Variants in CR1 observed in about 807,000 individuals in gnomAD.
CR1 encodes complement C3b/C4b receptor 1 (Knops blood group), also known as complement receptor type 1.
In CR1, 116 loss-of-function variants were observed where a neutral mutation model predicts 187.3. The observed-to-expected ratio is 0.62, with a 90% CI of 0.53 to 0.72. The LOEUF (loss-of-function observed/expected upper bound fraction) is 0.72, where lower values mean the gene tolerates loss of function less well. Ranked by LOEUF, CR1 falls within the 30% of genes least tolerant of loss-of-function variation. The pLI is 0.00. For synonymous variants in CR1, 576 were observed against 747.1 expected, an observed-to-expected ratio of 0.77 and a Z score of 3.73; for missense variants, 1,731 against 2,110.7, an observed-to-expected ratio of 0.82 and a Z score of 3.52.
intron 35 of CR1, among the ~76,000 whole-genome samples, chr1:207,604,544 A>G (rs1661692190): frequency 6.6e-6 from 1 of 152,234 alleles, no homozygotes; most frequent in Non-Finnish European, 1.5e-5. Context: ...TATTTGCCCT[A>G]TCAATGAATA....
At chr1:207,638,933 G>A (rs762164733) in intron 46 of CR1, among the ~76,000 whole-genome samples, 4 of 152,200 alleles carry the variant, frequency 2.6e-5, no homozygotes, top group African/African-American at 4.8e-5. Context: ...CGCTTGTGGC[G>A]GGGGACAATT....
At chr1:207,632,717 G>C (rs1571621732) in intron 46 of CR1, among the ~76,000 whole-genome samples, 1 of 149,332 alleles carries the variant, frequency 6.7e-6, no homozygotes, top group Non-Finnish European at 1.5e-5. Flanking sequence ...AGAATGGCGT[G>C]AGCCCGGGAG....
intron 1 of CR1, among the ~76,000 whole-genome samples, chr1:207,497,161 A>G (rs1659114344): frequency 2.0e-5 from 3 of 152,258 alleles, no homozygotes; most frequent in Non-Finnish European, 4.4e-5. Flanking sequence ...AGAACATGCA[A>G]TGTAACCGTT....
intron 40 of CR1, 79 bp from the exon 41 acceptor site, chr1:207,616,496 G>C: frequency 6.9e-7 from 1 of 1,452,740 alleles, no homozygotes. Context: ...CTTTTTAAGC[G>C]CACAGTCACA....
intron 37 of CR1, 107 bp downstream of exon 37, chr1:207,609,795 C>T (rs1485984203): frequency 6.0e-6 from 7 of 1,167,798 alleles, no homozygotes; most frequent in Non-Finnish European, 7.9e-6. Context: ...TTGGCATAAA[C>T]ATAATAGTAG....
At chr1:207,525,109 T>A (rs1309964037) in intron 5 of CR1, among the ~76,000 whole-genome samples, 5 of 151,838 alleles carry the variant, frequency 3.3e-5, no homozygotes, top group Non-Finnish European at 7.4e-5. Context: ...AACAAGCAGA[T>A]CTCGAGAGAA....
At chr1:207,613,843 C>T (rs968565435) in intron 39 of CR1, among the ~76,000 whole-genome samples, 1 of 151,992 alleles carries the variant, frequency 6.6e-6, no homozygotes, top group Non-Finnish European at 1.5e-5. Context: ...AAGACTCTTC[C>T]CCCCTCCCTT....
intron 37 of CR1, among the ~76,000 whole-genome samples, chr1:207,610,108 A>G (rs1661876824): frequency 1.3e-5 from 2 of 152,164 alleles, no homozygotes; most frequent in Non-Finnish European, 2.9e-5. Context: ...CAAGTGAGCC[A>G]TGAGGACCAA....
chr1:207,612,124 C>T lies in CR1; in HGVS notation c.6575+83C>T. On this transcript the variant is annotated intron_variant, in intron 39 of 46. Transcript: ENST00000367049. ...ATCAGGGGTTAATCCAATTAAGGAG[C>T]TGACCTAGTAGATAAGAAGTACCCA... 4 of 1,379,500 alleles carry T rather than the reference C, an allele frequency of 2.9e-6. No individual in the cohort carries two copies. The Admixed American group carries it at 5.4e-5, about 19-fold the overall frequency. 85.5% of individuals were successfully genotyped at this position (1,379,500 alleles called of 1,614,324 possible).
At chr1:207,596,603 A>C (rs1412905303) in intron 35 of CR1, among the ~76,000 whole-genome samples, 1 of 151,888 alleles carries the variant, frequency 6.6e-6, no homozygotes, top group Non-Finnish European at 1.5e-5. Flanking sequence ...AACAAGAGCG[A>C]AACTCTGTCT....
chr1:207,508,311 G>A (rs1659507891), intron 3 of CR1, among the ~76,000 whole-genome samples: 1 of 152,256 alleles, frequency 6.6e-6, no homozygotes, highest in Non-Finnish European at 1.5e-5. Flanking sequence ...GCCATGATGT[G>A]TCAGTGTAGG....
rs145076154 is a variant in CR1, at chr1:207,501,029, C to G, written c.121+4641C>G. ...CCATAAAAAAAAACCTGAGTGATTTCCTTTATACAATAGGATATAAATGAA... is the reference window on the plus strand; with the variant it reads ...CCATAAAAAAAAACCTGAGTGATTTGCTTTATACAATAGGATATAAATGAA... On this transcript the variant is annotated intron_variant, in intron 1 of 46. Transcript: ENST00000367049. 3.5e-3 allele frequency among the ~76,000 whole-genome samples: 526 copies of G among 152,136 alleles called. 6 individuals are homozygous for G. The highest frequency in any genetic ancestry group is 0.02 in the East Asian group (104 of 5,190).
rs1451565262 is a variant in CR1 at position 207,641,371 on chromosome 1, T to C, written c.*1962T>C. On this transcript the variant is annotated 3_prime_UTR_variant, in exon 47 of 47. Coordinates refer to ENST00000367049, the MANE Select transcript of CR1 (RefSeq NM_000651.6). Reference sequence around the variant, plus strand: ...TTTGATTTATTTTGGAGACAGGGTCTTGCTCTGTTACCCAGGCTGGAGTGC... The same window carrying C: ...TTTGATTTATTTTGGAGACAGGGTCCTGCTCTGTTACCCAGGCTGGAGTGC... 1 of 152,222 alleles carries C rather than the reference T, an allele frequency of 6.6e-6. No homozygotes were observed. Among genetic ancestry groups the C allele is most frequent in the Non-Finnish European group, 1.5e-5 (1 of 68,040 alleles). 9.4% of individuals were successfully genotyped at this position (152,222 alleles called of 1,614,324 possible).
intron 4 of CR1, among the ~76,000 whole-genome samples, chr1:207,518,295 T>C (rs1659865714): frequency 6.6e-6 from 1 of 152,230 alleles, no homozygotes; most frequent in African/African-American, 2.4e-5. Flanking sequence ...TGAGACATGG[T>C]TTATTGCCCA....
At chr1:207,587,827 G>T (rs1661157838) in intron 34 of CR1, among the ~76,000 whole-genome samples, 1 of 152,216 alleles carries the variant, frequency 6.6e-6, no homozygotes, top group Non-Finnish European at 1.5e-5. Flanking sequence ...AAGATATTTT[G>T]ATAAAGGAAA....
chr1:207,505,471 C>T (rs1326452117), intron 1 of CR1, among the ~76,000 whole-genome samples: 1 of 152,092 alleles, frequency 6.6e-6, no homozygotes, highest in Admixed American at 6.5e-5. Flanking sequence ...CACCCCTTGG[C>T]TATTATTGAA....
In CR1 at chr1:207,496,362, T is replaced by G. The variant is rs1433800468; in HGVS notation, c.95T>G (p.Val32Gly). 1 of 1,611,428 alleles carries G rather than the reference T, an allele frequency of 6.2e-7. No homozygotes were observed. Among genetic ancestry groups the G allele is most frequent in the African/African-American group, 1.3e-5 (1 of 74,838 alleles). ...CCGGSLLAVVVLLALPVAWGQ... is the reference protein window; with the variant it reads ...CCGGSLLAVVGLLALPVAWGQ... Reference sequence around the variant, plus strand: ...GGAGGATCCCTGCTGGCGGTTGTGGTGCTGCTTGCGCTGCCGGTGGCCTGG... The same window carrying G: ...GGAGGATCCCTGCTGGCGGTTGTGGGGCTGCTTGCGCTGCCGGTGGCCTGG... Residue 32 changes from valine to glycine, a missense_variant, in exon 1 of 47, where the codon GTG becomes GGG. Transcript: ENST00000367049.
intron 43 of CR1, among the ~76,000 whole-genome samples, chr1:207,621,599 GATT>G (rs1662315785): frequency 6.6e-6 from 1 of 152,130 alleles, no homozygotes; most frequent in Non-Finnish European, 1.5e-5. Flanking sequence ...GCATCTACTA[GATT>G]ATGTTAGTTT....
At chr1:207,517,174 A>C (rs1304999193) in intron 4 of CR1, among the ~76,000 whole-genome samples, 1 of 152,134 alleles carries the variant, frequency 6.6e-6, no homozygotes, top group African/African-American at 2.4e-5. Flanking sequence ...CTGTTAATGT[A>C]ATATATTACA....
Sources: allele counts gnomAD v4.1 joint callset (sites outside exome capture counted in the v4.1 genomes callset), GRCh38; gene constraint gnomAD v4.1.1; transcripts MANE v1.5; gene names NCBI Gene and HGNC (gene_info 2026-07-23, HGNC 2026-07-21).